Variants in PCDHA3 observed in about 807,000 individuals in gnomAD.
PCDHA3 encodes the protein protocadherin alpha 3.
Under a neutral mutation model 62.2 loss-of-function variants are expected in PCDHA3, and 41 were observed. That is an observed-to-expected ratio of 0.66 (90% CI 0.51 to 0.86). The LOEUF is 0.86. Ranked by LOEUF, PCDHA3 falls within the 40% of genes least tolerant of loss-of-function variation. The probability of loss-of-function intolerance (pLI) is 0.00; values close to 1 mark genes in which losing one functional copy is unlikely to be tolerated. For missense variants in PCDHA3, 1,304 were observed against 1,241.2 expected (o/e 1.05, Z -0.76); for synonymous variants, 640 against 555.4 (o/e 1.15, Z -2.14).
In PCDHA3 at chr5:140,883,441, G is replaced by A. The variant is rs782063932; in HGVS notation, c.2394+79850G>A. 3.1e-6 allele frequency: 5 copies of A among 1,614,130 alleles called. No homozygotes were observed. In the African/African-American group the frequency reaches 4.0e-5, roughly 13 times the overall value. Reference sequence around the variant, plus strand: ...GACAGGTCACCTGCACCTTGACGCCGCATGTCCCCTTCAAGCTGGTGTCCA... The same window carrying A: ...GACAGGTCACCTGCACCTTGACGCCACATGTCCCCTTCAAGCTGGTGTCCA... On this transcript the variant is annotated intron_variant, in intron 1 of 3. Transcript: ENST00000522353.
At chr5:140,850,389 A>T in intron 1 of PCDHA3, 1 of 1,597,864 alleles carries the variant, frequency 6.3e-7, no homozygotes, top group South Asian at 1.1e-5. Context: ...GGGCGAGATC[A>T]GCACAACGCG....
At chr5:140,970,082 G>C (rs1203003794) in intron 1 of PCDHA3, among the ~76,000 whole-genome samples, 1 of 152,178 alleles carries the variant, frequency 6.6e-6, no homozygotes, top group Non-Finnish European at 1.5e-5. Context: ...TGGATTAGGG[G>C]TGTGGGGGGA....
At position 140,801,782 on chromosome 5, in the gene PCDHA3, G is replaced by A; in HGVS notation, c.585G>A (p.Val195=). Residue 195 remains valine, a synonymous_variant, in exon 1 of 4, where the codon GTG becomes GTA. Transcript: ENST00000522353. The part of the protein sequence containing the change: ...NDEEIKSLGL[V]LKKNLNREDT... ...AGGAAATTAAATCCCTTGGACTCGT[G>A]TTGAAAAAAAATTTAAATCGAGAGG... 6.2e-7 allele frequency: 1 copy of A among 1,613,762 alleles called. No individual in the cohort carries two copies. The highest frequency in any genetic ancestry group is 8.5e-7 in the Non-Finnish European group (1 of 1,179,966).
intron 1 of PCDHA3, chr5:140,967,963 A>C (rs1554230144): frequency 6.2e-7 from 1 of 1,614,210 alleles, no homozygotes; most frequent in South Asian, 1.1e-5. Context: ...CCAACCGGAA[A>C]GTGAGCCTGG....
At chr5:140,966,670 G>C in intron 1 of PCDHA3, 1 of 1,283,064 alleles carries the variant, frequency 7.8e-7, no homozygotes, top group Non-Finnish European at 1.0e-6. Flanking sequence ...AGCAGGCGCA[G>C]GGTGGCACGA....
chr5:140,829,961 G>T, intron 1 of PCDHA3: 2 of 1,613,994 alleles, frequency 1.2e-6, no homozygotes, highest in Non-Finnish European at 1.7e-6. Flanking sequence ...CCCGTTTCGC[G>T]TGGGGCTGTA....
At chr5:140,863,336 T>A (rs782350790) in intron 1 of PCDHA3, 1 of 1,385,482 alleles carries the variant, frequency 7.2e-7, no homozygotes, top group Admixed American at 1.8e-5. Flanking sequence ...GTGCTCACGT[T>A]GCTGCTGTAC....
intron 1 of PCDHA3, chr5:140,868,773 G>A (rs1343929561): frequency 7.6e-6 from 2 of 262,984 alleles, no homozygotes; most frequent in African/African-American, 4.4e-5. Flanking sequence ...GTTTCAATAT[G>A]ACTTATAATC....
At chr5:140,862,905 G>A in intron 1 of PCDHA3, 2 of 551,590 alleles carry the variant, frequency 3.6e-6, no homozygotes, top group Non-Finnish European at 7.0e-6. Context: ...TGTCTGCGCT[G>A]CTGGCGCCTT....
At chr5:140,918,971 T>C (rs1342049692) in intron 1 of PCDHA3, among the ~76,000 whole-genome samples, 3 of 152,234 alleles carry the variant, frequency 2.0e-5, no homozygotes, top group Admixed American at 6.5e-5. Flanking sequence ...AGATATCGTT[T>C]AGGTTAGTTG....
In PCDHA3 at chr5:140,959,634, A is replaced by G. The variant is rs78629455; in HGVS notation, c.2395-19315A>G. ...TGCTTGTGATAGAAAAAAAGAGAGA[A>G]AAAACACAGAAGCAAAATTGAAGAA... On this transcript the variant is annotated intron_variant, in intron 1 of 3. Transcript: ENST00000522353. Among the ~76,000 whole-genome samples, 1,434 of 152,320 alleles carry G rather than the reference A, an allele frequency of 9.4e-3. 14 individuals carry two copies. The highest frequency in any genetic ancestry group is 0.021 in the Admixed American group (316 of 15,292).
intron 1 of PCDHA3, among the ~76,000 whole-genome samples, chr5:140,873,350 A>G (rs251374): frequency 0.7 from 106,869 of 152,104 alleles, 38,096 homozygotes; most frequent in African/African-American, 0.82. Context: ...TCCAGATGAA[A>G]TTTTTGGAAT....
chr5:140,882,485 G>C, intron 1 of PCDHA3: 3 of 1,614,106 alleles, frequency 1.9e-6, no homozygotes, highest in Non-Finnish European at 2.5e-6. Flanking sequence ...AAGACACGGG[G>C]ACCTTCTGGA....
intron 1 of PCDHA3, chr5:140,883,037 A>C: frequency 6.2e-7 from 1 of 1,614,166 alleles, no homozygotes; most frequent in Non-Finnish European, 8.5e-7. Flanking sequence ...GAACGCCTTC[A>C]ATGGAACATT....
intron 1 of PCDHA3, chr5:140,856,768 C>T: frequency 6.3e-7 from 1 of 1,596,818 alleles, no homozygotes; most frequent in African/African-American, 1.3e-5. Context: ...ACGCCCCTAT[C>T]TTTGACAGAC....
rs2150452884 is a variant in PCDHA3, at chr5:140,849,840, A to G, written c.2394+46249A>G. 1.9e-6 allele frequency: 3 copies of G among 1,598,334 alleles called. No individual in the cohort carries two copies. The Admixed American group carries it at 5.1e-5, about 27-fold the overall frequency. On this transcript the variant is annotated intron_variant, in intron 1 of 3. Coordinates refer to ENST00000522353, the MANE Select transcript of PCDHA3 (RefSeq NM_018906.3). ...GGTGTCTGTGGAGGTGGCCGACGTG[A>G]ACGACAACGCACCAGCGTTCGCGCA...
At chr5:140,911,439 A>C (rs2075473101) in intron 1 of PCDHA3, among the ~76,000 whole-genome samples, 2 of 152,080 alleles carry the variant, frequency 1.3e-5, no homozygotes, top group Admixed American at 1.3e-4. Context: ...AATTTCCCGC[A>C]ATTTCAGCTC....
intron 1 of PCDHA3, among the ~76,000 whole-genome samples, chr5:140,891,658 C>T (rs1241439148): frequency 6.6e-6 from 1 of 151,928 alleles, no homozygotes; most frequent in Non-Finnish European, 1.5e-5. Context: ...GATAGTTCAC[C>T]CACCTTAAAG....
At chr5:140,822,729 T>C in intron 1 of PCDHA3, 1 of 1,613,080 alleles carries the variant, frequency 6.2e-7, no homozygotes, top group South Asian at 1.1e-5. Context: ...ATGAAATTAA[T>C]ATTGATGCCA....
Sources: gnomAD v4.1 joint callset for allele counts (sites outside exome capture counted in the v4.1 genomes callset) on GRCh38, gnomAD v4.1.1 for gene constraint, MANE v1.5 for transcripts, NCBI Gene and HGNC (gene_info 2026-07-23, HGNC 2026-07-21) for gene names.